Variants in GRM5 observed in about 807,000 individuals in gnomAD.
GRM5 encodes glutamate metabotropic receptor 5, also known as metabotropic glutamate receptor 5.
In GRM5, 19 loss-of-function variants were observed where a neutral mutation model predicts 83.1. The observed-to-expected ratio is 0.23, with a 90% CI of 0.16 to 0.34. The LOEUF (loss-of-function observed/expected upper bound fraction) is 0.34. Among genes scored for constraint, GRM5 ranks in the 10% least tolerant of loss-of-function variants. The pLI, the probability that GRM5 is intolerant of heterozygous loss-of-function variation, is 1.00. For missense variants in GRM5, 1,160 were observed against 1,588.3 expected, an observed-to-expected ratio of 0.73 and a Z score of 4.58; for synonymous variants, 675 against 633.6, an observed-to-expected ratio of 1.07 and a Z score of -0.98.
intron 4 of GRM5, among the ~76,000 whole-genome samples, chr11:88,651,869 A>C (rs1448654568): frequency 6.6e-6 from 1 of 152,040 alleles, no homozygotes; most frequent in African/African-American, 2.4e-5. Flanking sequence ...ACAATCACAA[A>C]CCACCATTGA....
chr11:88,570,571 A>ATATATATATATATACATATTTT (rs1405339448), intron 7 of GRM5, among the ~76,000 whole-genome samples: 1 of 46,376 alleles, frequency 2.2e-5, no homozygotes, highest in Non-Finnish European at 3.5e-5. Context: ...ATATATATAT[A>ATATATATATATATACATATTTT]TTTTTTTTTT....
chr11:88,590,829 A>G (rs1240581349), intron 6 of GRM5, 102 bp from the exon 7 acceptor site: 8 of 709,180 alleles, frequency 1.1e-5, no homozygotes, highest in Admixed American at 2.4e-5. Context: ...GGCCTTTCAC[A>G]TACATTATTT....
intron 4 of GRM5, among the ~76,000 whole-genome samples, chr11:88,621,299 T>G (rs1433361431): frequency 6.6e-6 from 1 of 152,214 alleles, no homozygotes; most frequent in African/African-American, 2.4e-5. Flanking sequence ...AACTGTGTTT[T>G]ATAATGTTTC....
intron 2 of GRM5, among the ~76,000 whole-genome samples, chr11:89,031,472 C>T (rs1398651661): frequency 8.6e-5 from 13 of 151,680 alleles, no homozygotes; most frequent in Non-Finnish European, 1.6e-4. Flanking sequence ...ACTCTGAGGG[C>T]TCCCAAACTG....
At chr11:88,772,711 G>C (rs1476226001) in intron 3 of GRM5, among the ~76,000 whole-genome samples, 1 of 151,968 alleles carries the variant, frequency 6.6e-6, no homozygotes, top group Non-Finnish European at 1.5e-5. Context: ...TTGGTTTTCT[G>C]TCCGAGCGAT....
At chr11:88,687,917 A>G (rs907865304) in intron 3 of GRM5, among the ~76,000 whole-genome samples, 12 of 152,010 alleles carry the variant, frequency 7.9e-5, no homozygotes, top group African/African-American at 2.7e-4. Flanking sequence ...TACAATTGCA[A>G]TCTTCCTTCC....
chr11:88,816,219 CAAAAAAAAAAA>C (rs1183223330), intron 3 of GRM5, among the ~76,000 whole-genome samples: 1 of 44,956 alleles, frequency 2.2e-5, no homozygotes, highest in South Asian at 9.1e-4. Context: ...GACTCCGTCT[CAAAAAAAAAAA>C]AAAAAAAAAA....
chr11:88,934,841 A>T (rs965886769), intron 2 of GRM5, among the ~76,000 whole-genome samples: 3 of 151,886 alleles, frequency 2.0e-5, no homozygotes, highest in Non-Finnish European at 4.4e-5. Context: ...TTTCTTTTAA[A>T]AGGAGTTGAA....
chr11:88,799,332 T>A (rs979886241), intron 3 of GRM5, among the ~76,000 whole-genome samples: 1 of 150,950 alleles, frequency 6.6e-6, no homozygotes, highest in African/African-American at 2.4e-5. Context: ...TAGCAATTTA[T>A]CAACAATAGT....
chr11:88,781,604 GGTTCC>G (rs1942978472), intron 3 of GRM5, among the ~76,000 whole-genome samples: 1 of 152,130 alleles, frequency 6.6e-6, no homozygotes, highest in African/African-American at 2.4e-5. Context: ...TCTCACAAAT[GGTTCC>G]CTGGTTGCAT....
At chr11:88,991,244 G>C (rs1298083884) in intron 2 of GRM5, among the ~76,000 whole-genome samples, 1 of 152,114 alleles carries the variant, frequency 6.6e-6, no homozygotes, top group Non-Finnish European at 1.5e-5. Flanking sequence ...GTCAAATCAT[G>C]AGTGAACTCC....
intron 2 of GRM5, among the ~76,000 whole-genome samples, chr11:88,920,859 A>C (rs1399418969): frequency 6.6e-6 from 1 of 152,154 alleles, no homozygotes. Context: ...GCCTCACCTC[A>C]CATTACCCAA....
chr11:88,528,602 C>A (rs1941934560), intron 8 of GRM5, among the ~76,000 whole-genome samples: 1 of 151,962 alleles, frequency 6.6e-6, no homozygotes, highest in Non-Finnish European at 1.5e-5. Context: ...ATTTCTTTTA[C>A]ATAATAAATT....
At chr11:88,859,384 T>A (rs998340413) in intron 2 of GRM5, among the ~76,000 whole-genome samples, 7 of 144,624 alleles carry the variant, frequency 4.8e-5, no homozygotes, top group Admixed American at 4.7e-4. Context: ...GAATACAGGA[T>A]TTTTTTATAA....
chr11:88,824,124 C>T (rs1057124060), intron 3 of GRM5, among the ~76,000 whole-genome samples: 7 of 152,008 alleles, frequency 4.6e-5, no homozygotes, highest in Non-Finnish European at 7.4e-5. Context: ...TGCATTCCTT[C>T]GGTCTTTGTA....
chr11:88,882,954 T>C (rs1944984534), intron 2 of GRM5, among the ~76,000 whole-genome samples: 1 of 152,140 alleles, frequency 6.6e-6, no homozygotes, highest in Non-Finnish European at 1.5e-5. Context: ...CTATGCTCTC[T>C]CTCCTGCCTG....
intron 2 of GRM5, among the ~76,000 whole-genome samples, chr11:88,968,938 A>G (rs1032078596): frequency 6.6e-6 from 1 of 152,130 alleles, no homozygotes; most frequent in Non-Finnish European, 1.5e-5. Context: ...TGTAGTAACA[A>G]TAAGATTAGA....
At chr11:88,719,397 C>A (rs1022795356) in intron 3 of GRM5, among the ~76,000 whole-genome samples, 6 of 152,008 alleles carry the variant, frequency 3.9e-5, no homozygotes, top group Admixed American at 6.6e-5. Flanking sequence ...ACAGTCTCAT[C>A]CTTTTTTATG....
At chr11:89,045,734 G>T (rs1941628408) in intron 2 of GRM5, among the ~76,000 whole-genome samples, 1 of 152,136 alleles carries the variant, frequency 6.6e-6, no homozygotes, top group African/African-American at 2.4e-5. Flanking sequence ...ATCTTCTGAA[G>T]CTAGAAGGGA....
Sources: gnomAD v4.1 joint callset for allele counts (sites outside exome capture counted in the v4.1 genomes callset) on GRCh38, gnomAD v4.1.1 for gene constraint, MANE v1.5 for transcripts, NCBI Gene and HGNC (gene_info 2026-07-23, HGNC 2026-07-21) for gene names.